The following PIEZO2 variants were observed in gnomAD, a reference collection of about 807,000 sequenced individuals.
The protein encoded by PIEZO2 is piezo type mechanosensitive ion channel component 2, also known as piezo-type mechanosensitive ion channel component 2.
PIEZO2 carries 172 observed loss-of-function variants against 337.3 expected under a neutral mutation model. The ratio of observed to expected loss-of-function variants is 0.51; its 90% confidence interval spans 0.45 to 0.58. The LOEUF (loss-of-function observed/expected upper bound fraction) is 0.58. PIEZO2 is among the 20% of genes least tolerant of loss of function. The probability of loss-of-function intolerance (pLI) is 0.00; values close to 1 mark genes in which losing one functional copy is unlikely to be tolerated. For missense variants in PIEZO2, 3,028 were observed against 3,391.3 expected, an observed-to-expected ratio of 0.89 and a Z score of 2.66; for synonymous variants, 1,251 against 1,228.5, an observed-to-expected ratio of 1.02 and a Z score of -0.38.
chr18:11,121,145 C>G (rs1401163151), intron 1 of PIEZO2, among the ~76,000 whole-genome samples: 1 of 151,948 alleles, frequency 6.6e-6, no homozygotes, highest in Non-Finnish European at 1.5e-5. Flanking sequence ...TCCACCTACT[C>G]GGGAGGCTAG....
intron 3 of PIEZO2, among the ~76,000 whole-genome samples, chr18:10,972,145 C>T (rs998126792): frequency 1.2e-4 from 17 of 145,916 alleles, no homozygotes; most frequent in African/African-American, 4.1e-4. Flanking sequence ...ATACACCCAG[C>T]CTGGGTGACA....
At chr18:10,696,030 T>A in intron 47 of PIEZO2, 44 bp downstream of exon 47, 3 of 1,548,708 alleles carry the variant, frequency 1.9e-6, no homozygotes, top group Non-Finnish European at 2.7e-6. Flanking sequence ...GGAAACACAG[T>A]TGCATGGAGG....
At chr18:10,891,033 A>C (rs1438010562) in intron 4 of PIEZO2, among the ~76,000 whole-genome samples, 1 of 152,208 alleles carries the variant, frequency 6.6e-6, no homozygotes, top group Non-Finnish European at 1.5e-5. Flanking sequence ...ACCAGATCAA[A>C]ACAGAAAGTG....
rs575265657 is a variant in PIEZO2, at chr18:10,855,307, G to A, written c.917+46C>T. 2.6e-5 allele frequency: 38 copies of A among 1,463,358 alleles called. No individual in the cohort carries two copies. Among genetic ancestry groups the A allele is most frequent in the African/African-American group, 2.1e-4 (15 of 71,500 alleles). The allele number at this position is 1,463,358 out of a possible 1,614,324, so 90.6% of individuals were successfully genotyped here. ...AATGCCAAACCAAGGTCCCAAAGGC[G>A]TGGGGGGACAACCTCTCCTGGAAAT... On this transcript the variant is annotated intron_variant, in intron 7 of 55. Coordinates refer to ENST00000674853, the MANE Select transcript of PIEZO2 (RefSeq NM_001378183.1). This position sits in a 1 kb window ranked among gnomAD's most constrained non-coding sequence, Gnocchi z 4.9.
At position 11,047,182 on chromosome 18, in the gene PIEZO2, T is replaced by C. The variant is rs2037346327; in HGVS notation, c.160+18945A>G. On this transcript the variant is annotated intron_variant, in intron 2 of 55. Coordinates refer to ENST00000674853, the MANE Select transcript of PIEZO2 (RefSeq NM_001378183.1). This position sits in a 1 kb window ranked among gnomAD's most constrained non-coding sequence, Gnocchi z 7.2. The stretch of plus-strand genomic sequence containing the variant: ...CCCTGGGGTCCTCCTTACTGCATGG[T>C]ACCTCCCACCACTGCTGCCCTTGCT... Among the ~76,000 whole-genome samples, 1 of 152,148 alleles carries C rather than the reference T, an allele frequency of 6.6e-6. No homozygotes were observed. The highest frequency in any genetic ancestry group is 6.5e-5 in the Admixed American group (1 of 15,276).
At position 10,783,144 on chromosome 18, in the gene PIEZO2, A is replaced by G. The variant is rs114581410; in HGVS notation, c.2492+1640T>C. 9.9e-3 allele frequency among the ~76,000 whole-genome samples: 1,512 copies of G among 152,168 alleles called. 30 individuals are homozygous for G. The highest frequency in any genetic ancestry group is 0.035 in the African/African-American group (1,448 of 41,540). On this transcript the variant is annotated intron_variant, in intron 17 of 55. Coordinates refer to ENST00000674853, the MANE Select transcript of PIEZO2 (RefSeq NM_001378183.1). The surrounding 1 kb of genome is among the most constrained non-coding windows in gnomAD (Gnocchi z 4.3). ...AAGAAATGGCATTTGGAAGAAAAAA[A>G]AGATTTTTTTTTAAAAAAGATTTCA...
intron 2 of PIEZO2, among the ~76,000 whole-genome samples, chr18:11,017,442 T>C (rs2036154855): frequency 6.6e-6 from 1 of 151,410 alleles, no homozygotes; most frequent in Admixed American, 6.6e-5. Flanking sequence ...ACAATCTTTA[T>C]GAAAGCATGA....
At chr18:11,108,232 T>C (rs973308658) in intron 1 of PIEZO2, among the ~76,000 whole-genome samples, 2 of 152,198 alleles carry the variant, frequency 1.3e-5, no homozygotes, top group African/African-American at 2.4e-5. Flanking sequence ...TCTTAAAACA[T>C]AGCCAGATTC....
At chr18:11,087,953 A>C (rs1011653674) in intron 1 of PIEZO2, among the ~76,000 whole-genome samples, 1 of 152,248 alleles carries the variant, frequency 6.6e-6, no homozygotes, top group African/African-American at 2.4e-5. Flanking sequence ...TTCACCTTCA[A>C]ATGAAGAATG....
chr18:10,909,401 T>A (rs2145060661), intron 4 of PIEZO2, among the ~76,000 whole-genome samples: 1 of 152,308 alleles, frequency 6.6e-6, no homozygotes, highest in South Asian at 2.1e-4. Context: ...AGATGGAATG[T>A]CTGGGCTTCC....
Position 10,837,178 on chromosome 18 carries a change from T to C in PIEZO2, c.917+18175A>G, listed in dbSNP as rs1012409599. On this transcript the variant is annotated intron_variant, in intron 7 of 55. Transcript: ENST00000674853. This position sits in a 1 kb window ranked among gnomAD's most constrained non-coding sequence, Gnocchi z 4.4. ...GAGGGGATGGTGTGCACTCCTGTTGTGGACGGTAACAGAACCTGGAAATCA... is the reference window on the plus strand; with the variant it reads ...GAGGGGATGGTGTGCACTCCTGTTGCGGACGGTAACAGAACCTGGAAATCA... Among the ~76,000 whole-genome samples the C allele has an allele frequency of 2.0e-5, 3 of 152,222 alleles. No homozygotes were observed. Among genetic ancestry groups the C allele is most frequent in the African/African-American group, 7.2e-5 (3 of 41,466 alleles).
rs1690009782 is a variant in PIEZO2, at chr18:10,909,916, C to T, written c.329+1270G>A. 7.2e-5 allele frequency among the ~76,000 whole-genome samples: 11 copies of T among 152,166 alleles called. No individual in the cohort carries two copies. The South Asian group carries it at 2.1e-3, about 29-fold the overall frequency. On this transcript the variant is annotated intron_variant, in intron 4 of 55. Coordinates refer to ENST00000674853, the MANE Select transcript of PIEZO2 (RefSeq NM_001378183.1). Reference sequence around the variant, plus strand: ...ACTGAGACAGCAAACAGCGATGGTGCTGATGTAGGTGTTGGTAGGGAAATA... The same window carrying T: ...ACTGAGACAGCAAACAGCGATGGTGTTGATGTAGGTGTTGGTAGGGAAATA...
At chr18:10,974,398 G>C (rs908264753) in intron 3 of PIEZO2, among the ~76,000 whole-genome samples, 20 of 152,184 alleles carry the variant, frequency 1.3e-4, no homozygotes, top group Non-Finnish European at 2.2e-4. Context: ...TAACCTTTGG[G>C]GGAAGCTGAA....
chr18:10,849,444 G>C (rs1352053037), intron 7 of PIEZO2, among the ~76,000 whole-genome samples: 1 of 152,302 alleles, frequency 6.6e-6, no homozygotes, highest in East Asian at 1.9e-4. Context: ...ATCACGTACA[G>C]GTGTGTTTTA....
In PIEZO2 at chr18:10,728,969, A is replaced by C. The variant is rs200691521; in HGVS notation, c.5029+2438T>G. Among the ~76,000 whole-genome samples the C allele has an allele frequency of 6.7e-3, 990 of 148,722 alleles. 37 individuals are homozygous for C. In the East Asian group the frequency reaches 0.11, roughly 16 times the overall value. On this transcript the variant is annotated intron_variant, in intron 36 of 55. Transcript: ENST00000674853. ...GACTCTGTCTCAAAAAAAAAAAAAA[A>C]AAAAACAAAAACCAATAAAGGAAAC...
chr18:11,135,790 C>T (rs1488515974), intron 1 of PIEZO2, among the ~76,000 whole-genome samples: 3 of 152,168 alleles, frequency 2.0e-5, no homozygotes, highest in Non-Finnish European at 4.4e-5. Context: ...TCGTGATCCG[C>T]CCACCTAGGC....
At chr18:11,082,816 A>G (rs1415287547) in intron 1 of PIEZO2, among the ~76,000 whole-genome samples, 1 of 152,146 alleles carries the variant, frequency 6.6e-6, no homozygotes, top group African/African-American at 2.4e-5. Flanking sequence ...AGCAAACTCC[A>G]ATATTCTCGG....
chr18:10,939,857 C>G (rs1437434497), intron 3 of PIEZO2, among the ~76,000 whole-genome samples: 1 of 152,030 alleles, frequency 6.6e-6, no homozygotes, highest in Non-Finnish European at 1.5e-5. Context: ...ATAGGCGCAG[C>G]AAACCACCAC....
At chr18:10,858,823 A>T (rs1200425027) in intron 5 of PIEZO2, among the ~76,000 whole-genome samples, 1 of 152,108 alleles carries the variant, frequency 6.6e-6, no homozygotes. Context: ...CCACCTACAC[A>T]CACCCACAGG....
Sources: allele counts gnomAD v4.1 joint callset (sites outside exome capture counted in the v4.1 genomes callset), GRCh38; gene constraint gnomAD v4.1.1; non-coding constraint Gnocchi (gnomAD v3.1); transcripts MANE v1.5; gene names NCBI Gene and HGNC (gene_info 2026-07-23, HGNC 2026-07-21).